Variants in PEX5 observed in about 807,000 individuals in gnomAD.
The protein encoded by PEX5 is PTS1 receptor.
Under a neutral mutation model 82.9 loss-of-function variants are expected in PEX5, and 52 were observed. That is an observed-to-expected ratio of 0.63 (90% CI 0.50 to 0.79). The LOEUF (loss-of-function observed/expected upper bound fraction) is 0.79, where lower values mean the gene tolerates loss of function less well. Ranked by LOEUF, PEX5 falls within the 30% of genes least tolerant of loss-of-function variation. PEX5 has a pLI of 0.00. For synonymous variants in PEX5, 300 were observed against 318.8 expected, an observed-to-expected ratio of 0.94 and a Z score of 0.63; for missense variants, 719 against 815.2, an observed-to-expected ratio of 0.88 and a Z score of 1.44.
At chr12:7,193,529 C>G (rs1941552312) in intron 5 of PEX5, among the ~76,000 whole-genome samples, 1 of 152,148 alleles carries the variant, frequency 6.6e-6, no homozygotes, top group Non-Finnish European at 1.5e-5. Flanking sequence ...CGCACGCGCC[C>G]TCACGTTGAG....
chr12:7,189,349 A>G (rs1940452381), upstream of PEX5: 1 of 152,186 alleles, frequency 6.6e-6, no homozygotes, highest in South Asian at 2.1e-4. Flanking sequence ...CTTAGGTCAC[A>G]ATGCGCCCAA....
At chr12:7,195,715 C>T (rs945590184) in intron 5 of PEX5, among the ~76,000 whole-genome samples, 1 of 150,670 alleles carries the variant, frequency 6.6e-6, no homozygotes, top group Non-Finnish European at 1.5e-5. Flanking sequence ...TTGCAAAATA[C>T]TCTAGTTGAG....
intron 10 of PEX5, 72 bp from the exon 11 acceptor site, chr12:7,207,587 T>C: frequency 6.6e-7 from 1 of 1,505,734 alleles, no homozygotes; most frequent in South Asian, 1.1e-5. Context: ...TGCCTGCTGG[T>C]TGTCATCCTC....
At position 7,201,631 on chromosome 12, in the gene PEX5, TCTCAACAGGAGAATGGAGTTCC is replaced by T. The variant is rs1165112318; in HGVS notation, c.552-115_552-94del. The T allele has an allele frequency of 7.8e-6, 6 of 771,724 alleles. No homozygotes were observed. The African/African-American group carries it at 8.5e-5, about 11-fold the overall frequency. 47.8% of individuals were successfully genotyped at this position (771,724 alleles called of 1,614,324 possible). Reference sequence around the variant, plus strand: ...ATAATGCAAATTGGAGTTTGTAGGTTCTCAACAGGAGAATGGAGTTCCCTCACAGGAACTGTCATTGTCATGG... The same window carrying T: ...ATAATGCAAATTGGAGTTTGTAGGTTCTCACAGGAACTGTCATTGTCATGG... On this transcript the variant is annotated intron_variant, in intron 6 of 15. Coordinates refer to ENST00000675855, the MANE Select transcript of PEX5 (RefSeq NM_001351132.2).
intron 5 of PEX5, among the ~76,000 whole-genome samples, chr12:7,197,756 A>T (rs1943026397): frequency 1.3e-5 from 2 of 152,080 alleles, no homozygotes; most frequent in Non-Finnish European, 2.9e-5. Context: ...GGGTGGTCAG[A>T]TCTTGAAACT....
At chr12:7,194,344 G>C (rs970853086) in intron 5 of PEX5, among the ~76,000 whole-genome samples, 13 of 152,086 alleles carry the variant, frequency 8.5e-5, no homozygotes, top group Admixed American at 3.3e-4. Context: ...GGAAGGTTCT[G>C]TATACCCTTC....
Position 7,208,634 on chromosome 12 carries a change from C to T in PEX5, c.1359C>T (p.Gly453=). ...AAGGGGCTGGTGGGGCAGGACTGGGCCCCAGCAAGCGTATCCTGGGATCTC... is the reference window on the plus strand; with the variant it reads ...AAGGGGCTGGTGGGGCAGGACTGGGTCCCAGCAAGCGTATCCTGGGATCTC... ...AEEGAGGAGL[G]PSKRILGSLL... is the part of the protein sequence containing the mutation. The change falls in exon 13 of 16, where the codon GGC becomes GGT. Residue 453 remains glycine (G), a synonymous_variant. Transcript: ENST00000675855. 1 of 1,613,866 alleles carries T rather than the reference C, an allele frequency of 6.2e-7. No individual in the cohort carries two copies. The highest frequency in any genetic ancestry group is 8.5e-7 in the Non-Finnish European group (1 of 1,179,886).
chr12:7,211,769 G>T (rs909467666), downstream of PEX5, among the ~76,000 whole-genome samples: 3 of 152,214 alleles, frequency 2.0e-5, no homozygotes, highest in African/African-American at 7.2e-5. Flanking sequence ...TACATGGAAG[G>T]ATTTTGATAG....
At chr12:7,196,235 AATT>A (rs1452010330) in intron 5 of PEX5, among the ~76,000 whole-genome samples, 1 of 34,804 alleles carries the variant, frequency 2.9e-5, no homozygotes, top group East Asian at 5.0e-4. Context: ...TATATAATTT[AATT>A]ATATGTCATA....
rs370002553 is a variant in PEX5 at position 7,200,903 on chromosome 12, TAGGGAGAGGGAG to T, written c.552-831_552-820del. Among the ~76,000 whole-genome samples the T allele has an allele frequency of 3.2e-3, 490 of 151,388 alleles. 1 individual carries two copies. The highest frequency in any genetic ancestry group is 9.3e-3 in the African/African-American group (382 of 41,072). ...TGGAAAGAGAGGGGGAGAGAGACCG[TAGGGAGAGGGAG>T]AGGGAGAGGGAGAGGGCTTACTTTA... is the stretch of plus-strand genomic sequence containing the variant. On this transcript the variant is annotated intron_variant, in intron 6 of 15. Coordinates refer to ENST00000675855, the MANE Select transcript of PEX5 (RefSeq NM_001351132.2).
Position 7,209,820 on chromosome 12 carries a change from C to T in PEX5, c.1698C>T (p.Cys566=). 3 of 1,614,214 alleles carry T rather than the reference C, an allele frequency of 1.9e-6. No individual in the cohort carries two copies. The highest frequency in any genetic ancestry group is 2.5e-6 in the Non-Finnish European group (3 of 1,180,034). The change falls in exon 15 of 16, where the codon TGC becomes TGT. Residue 566 remains cysteine (C), a synonymous_variant. Transcript: ENST00000675855. ...IRSRYNLGIS[C]INLGAHREAV... is the part of the protein sequence containing the mutation. ...CCCGCTATAACCTGGGCATCAGCTG[C>T]ATCAACCTCGGGGCTCACCGGTGAG...
intron 12 of PEX5, 118 bp from the exon 13 acceptor site, chr12:7,208,339 G>A (rs1945079123): frequency 1.3e-6 from 1 of 797,130 alleles, no homozygotes; most frequent in South Asian, 1.5e-5. Flanking sequence ...TGTCAGAGGA[G>A]TCACAGGTGA....
At chr12:7,218,472 A>G (rs1190170066) in exon 18 of PEX5, 2 of 152,218 alleles carry the variant, frequency 1.3e-5, no homozygotes, top group East Asian at 1.9e-4. Flanking sequence ...CTGAACTCAT[A>G]TTGGATTCTC....
At chr12:7,191,420 G>T in intron 4 of PEX5, 62 bp downstream of exon 4, 1 of 1,609,334 alleles carries the variant, frequency 6.2e-7, no homozygotes, top group Non-Finnish European at 8.5e-7. Context: ...CAAGGAAGGG[G>T]GTTCCATTGG....
At chr12:7,213,223 C>A (rs993204748), downstream of PEX5, among the ~76,000 whole-genome samples, 7 of 151,270 alleles carry the variant, frequency 4.6e-5, no homozygotes, top group African/African-American at 1.5e-4. Context: ...TTGGAAAAAA[C>A]TACTTTAAAG....
chr12:7,198,595 C>A (rs925702541), intron 5 of PEX5, among the ~76,000 whole-genome samples: 2 of 152,136 alleles, frequency 1.3e-5, no homozygotes, highest in Non-Finnish European at 2.9e-5. Context: ...GAGAACAGAC[C>A]AGTGCCTTGG....
At position 7,202,092 on chromosome 12, in the gene PEX5, T is replaced by A. The variant is rs1429571005; in HGVS notation, c.643-149T>A. On this transcript the variant is annotated intron_variant, in intron 7 of 15. Transcript: ENST00000675855. Reference sequence around the variant, plus strand: ...GAGCCAGAAATCCCTTTCTTTTTGCTCTCTACCTCTTTTAGGGTCTTTAGC... The same window carrying A: ...GAGCCAGAAATCCCTTTCTTTTTGCACTCTACCTCTTTTAGGGTCTTTAGC... 3 of 1,262,942 alleles carry A rather than the reference T, an allele frequency of 2.4e-6. No individual in the cohort carries two copies. In the African/African-American group the frequency reaches 4.4e-5, roughly 19 times the overall value. The allele number at this position is 1,262,942 out of a possible 1,614,324, so 78.2% of individuals were successfully genotyped here. A position where few individuals can be genotyped will look rare whatever the true frequency, so the allele number is the denominator to read the frequency against.
chr12:7,215,975 ATTT>A (rs965536122), downstream of PEX5, among the ~76,000 whole-genome samples: 4 of 150,328 alleles, frequency 2.7e-5, no homozygotes, highest in East Asian at 7.7e-4. Flanking sequence ...TTAAAAAAAA[ATTT>A]TTTTTTGAGA....
chr12:7,197,232 T>TATATA lies in PEX5; in HGVS notation c.449-1777_449-1776insATAAT, dbSNP rs1555175931. 5.0e-3 allele frequency among the ~76,000 whole-genome samples: 224 copies of TATATA among 44,590 alleles called. 38 individuals are homozygous for TATATA. The highest frequency in any genetic ancestry group is 9.3e-3 in the South Asian group (9 of 964). 29.3% of individuals were successfully genotyped at this position (44,590 alleles called of 152,430 possible). ...ATATATAATGTAATTATATATGTCATATGTAATAATTATATGTCATATGTA... is the reference window on the plus strand; with the variant it reads ...ATATATAATGTAATTATATATGTCATATATAATGTAATAATTATATGTCATATGTA... On this transcript the variant is annotated intron_variant, in intron 5 of 15. Coordinates refer to ENST00000675855, the MANE Select transcript of PEX5 (RefSeq NM_001351132.2).
Sources: gnomAD v4.1 joint callset for allele counts (sites outside exome capture counted in the v4.1 genomes callset) on GRCh38, gnomAD v4.1.1 for gene constraint, MANE v1.5 for transcripts, NCBI Gene and HGNC (gene_info 2026-07-23, HGNC 2026-07-21) for gene names.